Variants in VPS37A observed in about 807,000 individuals in gnomAD.
The protein encoded by VPS37A is VPS37A subunit of ESCRT-I.
Under a neutral mutation model 49.8 loss-of-function variants are expected in VPS37A, and 30 were observed. The ratio of observed to expected loss-of-function variants is 0.60; its 90% CI spans 0.45 to 0.82. The LOEUF (loss-of-function observed/expected upper bound fraction) is 0.82. Ranked by LOEUF, VPS37A falls within the 40% of genes least tolerant of loss-of-function variation. VPS37A has a pLI of 0.00. For missense variants in VPS37A, 593 were observed against 464.4 expected, an observed-to-expected ratio of 1.28 and a Z score of -2.55; for synonymous variants, 195 against 160.6, an observed-to-expected ratio of 1.21 and a Z score of -1.62.
At chr8:17,324,446 C>A in the VPS37A span, among the ~76,000 whole-genome samples, 65 of 152,174 alleles carry the variant, frequency 4.3e-4, no homozygotes, top group Non-Finnish European at 4.3e-4. Context: ...CAGTAAATAA[C>A]TGAGCTGGAA....
At chr8:17,306,014 C>A, downstream of VPS37A, 4 of 1,415,754 alleles carry the variant, frequency 2.8e-6, no homozygotes, top group Non-Finnish European at 2.9e-6. Flanking sequence ...AAGTACAAAG[C>A]CATAAATGCA....
At chr8:17,286,609 A>G in intron 11 of VPS37A, 182 bp downstream of exon 11, 1 of 504,968 alleles carries the variant, frequency 2.0e-6, no homozygotes, top group Non-Finnish European at 3.4e-6. Context: ...TAACTAGTAG[A>G]AATCTTTTGG....
downstream of VPS37A, among the ~76,000 whole-genome samples, chr8:17,300,953 T>A (rs1817070278): frequency 6.6e-6 from 1 of 152,238 alleles, no homozygotes; most frequent in African/African-American, 2.4e-5. Context: ...ATCAAGTACT[T>A]CATTCCTTTT....
At chr8:17,276,537 A>G in intron 6 of VPS37A, 70 bp downstream of exon 6, 1 of 1,407,752 alleles carries the variant, frequency 7.1e-7, no homozygotes, top group Non-Finnish European at 9.7e-7. Context: ...TTATTATTTC[A>G]TATCCATATA....
the VPS37A span, among the ~76,000 whole-genome samples, chr8:17,318,026 A>C: frequency 6.6e-6 from 1 of 152,144 alleles, no homozygotes; most frequent in Non-Finnish European, 1.5e-5. Context: ...TGTGCAAGGC[A>C]GAAGCTGGAA....
At chr8:17,330,007 G>A in the VPS37A span, among the ~76,000 whole-genome samples, 2 of 152,168 alleles carry the variant, frequency 1.3e-5, no homozygotes, top group African/African-American at 4.8e-5. Flanking sequence ...CCCATAGAAA[G>A]TATTGGCCTA....
At chr8:17,260,202 T>C (rs984167533) in intron 1 of VPS37A, among the ~76,000 whole-genome samples, 2 of 152,172 alleles carry the variant, frequency 1.3e-5, no homozygotes, top group Non-Finnish European at 2.9e-5. Flanking sequence ...TTTGTTGCTT[T>C]TTTATGTTTA....
chr8:17,331,227 T>A, the VPS37A span: 14 of 1,612,626 alleles, frequency 8.7e-6, no homozygotes, highest in Non-Finnish European at 1.1e-5. Flanking sequence ...GATATTGGAA[T>A]AATTGTCTTC....
At position 17,283,588 on chromosome 8, in the gene VPS37A, G is replaced by A. The variant is rs117581012; in HGVS notation, c.970-885G>A. Among the ~76,000 whole-genome samples the A allele has an allele frequency of 1.7e-3, 258 of 152,268 alleles. 5 individuals are homozygous for A. In the East Asian group the frequency reaches 0.034, roughly 20 times the overall value. On this transcript the variant is annotated intron_variant, in intron 9 of 11. Transcript: ENST00000324849. ...CCTGTCGATAATCCAGTTTTTTCCA[G>A]CACCATTTGTTGAAAAGATTCCTTT...
chr8:17,323,017 G>A, the VPS37A span, among the ~76,000 whole-genome samples: 1 of 143,280 alleles, frequency 7.0e-6, no homozygotes, highest in Admixed American at 7.2e-5. Flanking sequence ...GTGTGATCTC[G>A]GCTCACTGTA....
At position 17,284,209 on chromosome 8, in the gene VPS37A, C is replaced by A. The variant is rs112237869; in HGVS notation, c.970-264C>A. On this transcript the variant is annotated intron_variant, in intron 9 of 11. Coordinates refer to ENST00000324849, the MANE Select transcript of VPS37A (RefSeq NM_152415.3). ...TACCACAGTGATTTAATTCGTAAATCCTTAGGAGAGAACAATGATTTTCCC... is the reference window on the plus strand; with the variant it reads ...TACCACAGTGATTTAATTCGTAAATACTTAGGAGAGAACAATGATTTTCCC... Among the ~76,000 whole-genome samples, 702 of 152,264 alleles carry A rather than the reference C, an allele frequency of 4.6e-3. 6 individuals carry two copies. The highest frequency in any genetic ancestry group is 0.016 in the African/African-American group (669 of 41,528).
At chr8:17,269,615 TC>T (rs1813793185) in intron 4 of VPS37A, among the ~76,000 whole-genome samples, 1 of 152,222 alleles carries the variant, frequency 6.6e-6, no homozygotes, top group Admixed American at 6.5e-5. Flanking sequence ...CATTCAGTGC[TC>T]CACTTCTTCC....
intron 10 of VPS37A, among the ~76,000 whole-genome samples, chr8:17,285,737 G>A (rs7815340): frequency 0.46 from 69,293 of 151,884 alleles, 16,799 homozygotes; most frequent in East Asian, 0.72. Flanking sequence ...CTTCAATGCT[G>A]TGTAACTGTG....
At chr8:17,271,596 A>G (rs1240732774) in intron 4 of VPS37A, among the ~76,000 whole-genome samples, 1 of 151,020 alleles carries the variant, frequency 6.6e-6, no homozygotes, top group Non-Finnish European at 1.5e-5. Context: ...ACAGAGCAAG[A>G]CTCCGTCTCA....
At chr8:17,322,082 A>G in the VPS37A span, among the ~76,000 whole-genome samples, 1 of 151,972 alleles carries the variant, frequency 6.6e-6, no homozygotes, top group East Asian at 1.9e-4. Flanking sequence ...CTGAAGTTGA[A>G]ACATATACAG....
chr8:17,307,441 C>A, the VPS37A span, among the ~76,000 whole-genome samples: 6 of 152,094 alleles, frequency 3.9e-5, no homozygotes, highest in African/African-American at 1.2e-4. Context: ...GTTGGTGGGA[C>A]TGTAAACTAG....
At chr8:17,257,466 GAAC>G (rs1812575425) in intron 1 of VPS37A, among the ~76,000 whole-genome samples, 2 of 152,124 alleles carry the variant, frequency 1.3e-5, no homozygotes, top group Non-Finnish European at 2.9e-5. Context: ...ACAGGGAGGG[GAAC>G]ATCACACACC....
Position 17,247,042 on chromosome 8 carries a change from C to A in VPS37A, c.-203C>A. On this transcript the variant is annotated 5_prime_UTR_variant, in exon 1 of 12. Transcript: ENST00000324849. ...CTCCTGTTCCGGGCCGCAAGTTTCC[C>A]TCTCCAGCCGCCCGCCGTTCGTAGC... 1.5e-6 allele frequency: 1 copy of A among 674,028 alleles called. No individual in the cohort carries two copies. Among genetic ancestry groups the A allele is most frequent in the South Asian group, 1.9e-5 (1 of 52,206 alleles). The allele number at this position is 674,028 out of a possible 1,614,324, so 41.8% of individuals were successfully genotyped here. A position where few individuals can be genotyped will look rare whatever the true frequency, so the allele number is the denominator to read the frequency against.
chr8:17,257,454 A>T (rs1812574486), intron 1 of VPS37A, among the ~76,000 whole-genome samples: 1 of 152,090 alleles, frequency 6.6e-6, no homozygotes, highest in African/African-American at 2.4e-5. Context: ...AAACACATGG[A>T]TACAGGGAGG....
Sources: gnomAD v4.1 joint callset for allele counts (sites outside exome capture counted in the v4.1 genomes callset) on GRCh38, gnomAD v4.1.1 for gene constraint, MANE v1.5 for transcripts, NCBI Gene and HGNC (gene_info 2026-07-23, HGNC 2026-07-21) for gene names.